The following TYW1B variants were observed in gnomAD, a reference collection of about 807,000 sequenced individuals.
TYW1B encodes tRNA-yW synthesizing protein 1 homolog B, also known as S-adenosyl-L-methionine-dependent tRNA 4-demethylwyosine synthase TYW1B.
A neutral mutation model predicts 86.9 loss-of-function variants in TYW1B; 73 were observed. The ratio of observed to expected loss-of-function variants is 0.84; its 90% CI spans 0.70 to 1.02. The LOEUF (loss-of-function observed/expected upper bound fraction) is 1.02. Among genes scored for constraint, TYW1B ranks in the 50% least tolerant of loss-of-function variants. The pLI is 0.00. For missense variants in TYW1B, 637 were observed against 827.4 expected (o/e 0.77, Z 2.82); for synonymous variants, 248 against 292.8 (o/e 0.85, Z 1.56).
At chr7:72,704,457 A>AAG (rs1408916659) in intron 10 of TYW1B, among the ~76,000 whole-genome samples, 6 of 137,596 alleles carry the variant, frequency 4.4e-5, no homozygotes, top group Non-Finnish European at 7.7e-5. Context: ...AAAAAAAAAA[A>AAG]GTCCATCTTG....
At chr7:72,612,130 A>T (rs1811949006) in intron 13 of TYW1B, among the ~76,000 whole-genome samples, 1 of 151,594 alleles carries the variant, frequency 6.6e-6, no homozygotes, top group Non-Finnish European at 1.5e-5. Context: ...GTTACTTTTA[A>T]TCTTGATAAT....
At chr7:72,635,265 A>T (rs868971883) in intron 11 of TYW1B, among the ~76,000 whole-genome samples, 1 of 152,196 alleles carries the variant, frequency 6.6e-6, no homozygotes, top group South Asian at 2.1e-4. Context: ...GGTTTTTTCT[A>T]TTCTGTTCCA....
chr7:72,679,971 T>C lies in TYW1B; in HGVS notation c.1506+14716A>G, dbSNP rs138260767. 8.5e-5 allele frequency among the ~76,000 whole-genome samples: 13 copies of C among 152,220 alleles called. No individual in the cohort carries two copies. In the East Asian group the frequency reaches 1.9e-3, roughly 23 times the overall value. On this transcript the variant is annotated intron_variant, in intron 11 of 13. Coordinates refer to ENST00000620995, the MANE Select transcript of TYW1B (RefSeq NM_001145440.3). ...ACAGTGAGACCGTATCTCTACAAAATGCAAAAATTAGCCGGGCGCAGTGGC... is the reference window on the plus strand; with the variant it reads ...ACAGTGAGACCGTATCTCTACAAAACGCAAAAATTAGCCGGGCGCAGTGGC...
At chr7:72,605,627 C>T (rs1325786492) in intron 13 of TYW1B, among the ~76,000 whole-genome samples, 3 of 152,140 alleles carry the variant, frequency 2.0e-5, no homozygotes, top group Admixed American at 2.0e-4. Context: ...GCTGGGATTA[C>T]AGGTGTGAGC....
At chr7:72,770,427 C>CAAAAAAAAAAAAAAAAAAAAAAAAA (rs587645992) in intron 7 of TYW1B, among the ~76,000 whole-genome samples, 1 of 94,482 alleles carries the variant, frequency 1.1e-5, no homozygotes, top group Non-Finnish European at 2.0e-5. Context: ...GACTCCGTCT[C>CAAAAAAAAAAAAAAAAAAAAAAAAA]AAAAAAAAAA....
intron 12 of TYW1B, among the ~76,000 whole-genome samples, chr7:72,625,903 G>GT (rs1789855288): frequency 2.5e-5 from 3 of 119,528 alleles, no homozygotes; most frequent in East Asian, 3.0e-4. Context: ...GGGCGGGGGG[G>GT]GGGGAAGAAA....
At chr7:72,687,748 A>G (rs1554449650) in intron 11 of TYW1B, among the ~76,000 whole-genome samples, 1 of 152,132 alleles carries the variant, frequency 6.6e-6, no homozygotes, top group African/African-American at 2.4e-5. Flanking sequence ...TTCATAATAT[A>G]TAAACTATAT....
At chr7:72,629,126 C>T (rs1416934604) in intron 11 of TYW1B, 129 bp from the exon 12 acceptor site, 3 of 661,132 alleles carry the variant, frequency 4.5e-6, no homozygotes, top group Non-Finnish European at 7.5e-6. Flanking sequence ...CTTTTGTAAA[C>T]TGAAGCTATA....
rs531934655 is a variant in TYW1B at position 72,817,808 on chromosome 7, T to G, written c.136-2327A>C. Among the ~76,000 whole-genome samples, 14 of 152,242 alleles carry G rather than the reference T, an allele frequency of 9.2e-5. No individual in the cohort carries two copies. In the East Asian group the frequency reaches 2.7e-3, roughly 29 times the overall value. The stretch of plus-strand genomic sequence containing the variant: ...AGAAGAATTTGGTAACACCCCCAGG[T>G]ACCCTTTGGAGGCTTCCAATTGGTT... On this transcript the variant is annotated intron_variant, in intron 2 of 13. Coordinates refer to ENST00000620995, the MANE Select transcript of TYW1B (RefSeq NM_001145440.3).
intron 11 of TYW1B, among the ~76,000 whole-genome samples, chr7:72,633,964 T>A (rs1297030550): frequency 2.6e-5 from 4 of 152,158 alleles, no homozygotes; most frequent in African/African-American, 9.7e-5. Flanking sequence ...GTGAATTCGA[T>A]GTTTGCAAGA....
chr7:72,762,462 A>C (rs1787700707), intron 7 of TYW1B, among the ~76,000 whole-genome samples: 1 of 151,946 alleles, frequency 6.6e-6, no homozygotes, highest in Admixed American at 6.6e-5. Flanking sequence ...TGTTTTTCCT[A>C]GTTCTAACTC....
intron 11 of TYW1B, among the ~76,000 whole-genome samples, chr7:72,683,227 T>A (rs1813920663): frequency 6.6e-6 from 1 of 151,970 alleles, no homozygotes. Context: ...AAGAAAAAAC[T>A]GAGAAGTATT....
At position 72,654,824 on chromosome 7, in the gene TYW1B, T is replaced by C. The variant is rs550305489; in HGVS notation, c.1507-25827A>G. On this transcript the variant is annotated intron_variant, in intron 11 of 13. Transcript: ENST00000620995. ...TGAACCCAGGAGGCAGAGGTTGCAG[T>C]GAGCCGAGATTGTGCCATTGCACTC... is the stretch of plus-strand genomic sequence containing the variant. Among the ~76,000 whole-genome samples the C allele has an allele frequency of 1.5e-4, 23 of 152,180 alleles. No homozygotes were observed. The East Asian group carries it at 4.4e-3, about 29-fold the overall frequency.
At chr7:72,624,834 G>A (rs1247475225) in intron 12 of TYW1B, among the ~76,000 whole-genome samples, 1 of 152,168 alleles carries the variant, frequency 6.6e-6, no homozygotes, top group Non-Finnish European at 1.5e-5. Flanking sequence ...AAGGCGGGTG[G>A]ATCACCTGAG....
At chr7:72,627,743 C>CCA (rs1168409296) in intron 12 of TYW1B, among the ~76,000 whole-genome samples, 1 of 151,992 alleles carries the variant, frequency 6.6e-6, no homozygotes, top group East Asian at 1.9e-4. Context: ...ACAAACAAAC[C>CCA]CACACACACA....
intron 7 of TYW1B, among the ~76,000 whole-genome samples, chr7:72,771,602 C>G (rs1300712867): frequency 6.6e-6 from 1 of 152,104 alleles, no homozygotes; most frequent in African/African-American, 2.4e-5. Context: ...TGCAAAGCTT[C>G]ACCCCTGAGT....
chr7:72,683,174 ATAGCCAACTGCAGCACACTC>A (rs1278909500), intron 11 of TYW1B, among the ~76,000 whole-genome samples: 1 of 152,182 alleles, frequency 6.6e-6, no homozygotes, highest in Admixed American at 6.6e-5. Context: ...GAAAAGGGAA[ATAGCCAACTGCAGCACACTC>A]TAGCCAACCT....
intron 6 of TYW1B, among the ~76,000 whole-genome samples, chr7:72,784,357 T>C (rs567163879): frequency 1.3e-4 from 20 of 152,368 alleles, no homozygotes; most frequent in Middle Eastern, 6.8e-3. Context: ...ACCAGCCATC[T>C]GATGATGGAC....
At chr7:72,718,973 C>T (rs1786841615) in intron 9 of TYW1B, among the ~76,000 whole-genome samples, 2 of 152,058 alleles carry the variant, frequency 1.3e-5, no homozygotes, top group African/African-American at 4.8e-5. Context: ...CCTCTCCAAG[C>T]CCATTCCCTG....
Sources: gnomAD v4.1 joint callset for allele counts (sites outside exome capture counted in the v4.1 genomes callset) on GRCh38, gnomAD v4.1.1 for gene constraint, MANE v1.5 for transcripts, NCBI Gene and HGNC (gene_info 2026-07-23, HGNC 2026-07-21) for gene names.